The following SLC13A5 variants were observed in gnomAD, a reference collection of about 807,000 sequenced individuals.
SLC13A5 encodes the protein Na(+)/citrate cotransporter.
In SLC13A5, 25 loss-of-function variants were observed where a neutral mutation model predicts 56.5. The observed-to-expected ratio is 0.44, with a 90% confidence interval of 0.32 to 0.62. The LOEUF (loss-of-function observed/expected upper bound fraction) is 0.62, where lower values mean the gene tolerates loss of function less well. Among genes scored for constraint, SLC13A5 ranks in the 20% least tolerant of loss-of-function variants. SLC13A5 has a pLI of 0.04. For synonymous variants in SLC13A5, 307 were observed against 301.5 expected, an observed-to-expected ratio of 1.02 and a Z score of -0.19; for missense variants, 649 against 737.8, an observed-to-expected ratio of 0.88 and a Z score of 1.39.
Position 6,704,068 on chromosome 17 carries a change from G to A in SLC13A5, c.369-12C>T, listed in dbSNP as rs375349735. The A allele has an allele frequency of 1.3e-4, 211 of 1,606,018 alleles. No individual in the cohort carries two copies. Among genetic ancestry groups the A allele is most frequent in the Non-Finnish European group, 1.4e-4 (159 of 1,176,920 alleles). ...AGCCCAGCATCAGCCTGCAGAGGAG[G>A]GGCAGGGAGGAAAGCCAGAGAATCC... On this transcript the variant is annotated splice_polypyrimidine_tract_variant and intron_variant, in intron 3 of 11. Coordinates refer to ENST00000433363, the MANE Select transcript of SLC13A5 (RefSeq NM_177550.5).
rs1407832158 is a variant in SLC13A5, at chr17:6,701,806, G to A, written c.717-680C>T. Among the ~76,000 whole-genome samples, 2 of 152,222 alleles carry A rather than the reference G, an allele frequency of 1.3e-5. No homozygotes were observed. Among genetic ancestry groups the A allele is most frequent in the Non-Finnish European group, 2.9e-5 (2 of 68,038 alleles). Reference sequence around the variant, plus strand: ...AGAGACCTCAGCAATCTCGCTCTGTGGGTTTCTGCAAAGAACGGTCCCCCC... The same window carrying A: ...AGAGACCTCAGCAATCTCGCTCTGTAGGTTTCTGCAAAGAACGGTCCCCCC... On this transcript the variant is annotated intron_variant, in intron 5 of 11. Transcript: ENST00000433363. This position sits in a 1 kb window ranked among gnomAD's most constrained non-coding sequence, Gnocchi z 4.1.
intron 1 of SLC13A5, among the ~76,000 whole-genome samples, chr17:6,708,302 T>C (rs1386728568): frequency 6.6e-6 from 1 of 152,220 alleles, no homozygotes; most frequent in Non-Finnish European, 1.5e-5. Context: ...CCTGCGCCTC[T>C]TCTATAGTCT....
rs754937425 is a variant in SLC13A5, at chr17:6,706,643, G to T, written c.367C>A (p.Arg123=). Residue 123 remains arginine, a splice_region_variant and synonymous_variant, in exon 3 of 12, where the codon CGG becomes AGG. Transcript: ENST00000433363. ...TLLWVGAKPA[R]LMLGFMGVTA... is the part of the protein sequence containing the mutation. Reference sequence around the variant, plus strand: ...GCAAGAGAGAGAAGGCGTAATTACCGTGCAGGCTTGGCCCCCACCCAGAGG... The same window carrying T: ...GCAAGAGAGAGAAGGCGTAATTACCTTGCAGGCTTGGCCCCCACCCAGAGG... The T allele has an allele frequency of 6.2e-7, 1 of 1,613,250 alleles. No homozygotes were observed. Among genetic ancestry groups the T allele is most frequent in the East Asian group, 2.2e-5 (1 of 44,862 alleles).
At position 6,692,782 on chromosome 17, in the gene SLC13A5, G is replaced by A; in HGVS notation, c.1275+262C>T. On this transcript the variant is annotated intron_variant, in intron 9 of 11. Transcript: ENST00000433363. This position sits in a 1 kb window ranked among gnomAD's most constrained non-coding sequence, Gnocchi z 5.5. Reference sequence around the variant, plus strand: ...ATCAAGCCCCAGAGGGTAACTGACAGTGTCCTCTGCCTCTCTTGGCTAACC... The same window carrying A: ...ATCAAGCCCCAGAGGGTAACTGACAATGTCCTCTGCCTCTCTTGGCTAACC... The A allele has an allele frequency of 2.0e-6, 1 of 502,534 alleles. No individual in the cohort carries two copies. Among genetic ancestry groups the A allele is most frequent in the Non-Finnish European group, 3.6e-6 (1 of 280,494 alleles). 31.1% of individuals were successfully genotyped at this position (502,534 alleles called of 1,614,324 possible). A position where few individuals can be genotyped will look rare whatever the true frequency, so the allele number is the denominator to read the frequency against.
intron 1 of SLC13A5, among the ~76,000 whole-genome samples, chr17:6,707,696 C>T (rs1973908214): frequency 2.0e-5 from 3 of 152,046 alleles, no homozygotes; most frequent in Non-Finnish European, 4.4e-5. Context: ...AGAAGTGACT[C>T]AGCAATGGAA....
chr17:6,686,107 C>G lies in SLC13A5; in HGVS notation c.*100G>C. On this transcript the variant is annotated 3_prime_UTR_variant, in exon 12 of 12. Transcript: ENST00000433363. The stretch of plus-strand genomic sequence containing the variant: ...TGGTGGTGTGTGGACATCGTTGGGT[C>G]ATTTTGGGGTGTGAACCCCAAAACT... 6.5e-7 allele frequency: 1 copy of G among 1,541,898 alleles called. No individual in the cohort carries two copies. The highest frequency in any genetic ancestry group is 8.8e-7 in the Non-Finnish European group (1 of 1,135,816).
At chr17:6,702,138 G>C (rs1477848441) in intron 5 of SLC13A5, among the ~76,000 whole-genome samples, 2 of 152,146 alleles carry the variant, frequency 1.3e-5, no homozygotes, top group Non-Finnish European at 1.5e-5. Context: ...CCACCTCCCA[G>C]CTCCTGCGCC....
intron 6 of SLC13A5, among the ~76,000 whole-genome samples, chr17:6,698,770 G>A (rs1367286597): frequency 6.6e-6 from 1 of 152,192 alleles, no homozygotes; most frequent in Non-Finnish European, 1.5e-5. Flanking sequence ...AGGCGAGGTG[G>A]CTCACATCTG....
At position 6,690,922 on chromosome 17, in the gene SLC13A5, AC is replaced by A; in HGVS notation, c.1293del (p.Trp432GlyfsTer19). The A allele has an allele frequency of 6.2e-7, 1 of 1,611,688 alleles. No individual in the cohort carries two copies. Among genetic ancestry groups the A allele is most frequent in the Non-Finnish European group, 8.5e-7 (1 of 1,178,430 alleles). On this transcript the variant is annotated frameshift_variant, in exon 10 of 12. Transcript: ENST00000433363. LOFTEE classifies it high-confidence loss of function. ...AKGSEASGLS[V>X]WMGKQMEPLH... ...AAGGGCTCCATCTGCTTCCCCATCC[AC>A]ACGGACAGCCCCGAGGCCTGGGAAG...
Position 6,701,191 on chromosome 17 carries a change from T to C in SLC13A5, c.717-65A>G. 1 of 1,599,376 alleles carries C rather than the reference T, an allele frequency of 6.3e-7. No homozygotes were observed. Among genetic ancestry groups the C allele is most frequent in the Non-Finnish European group, 8.5e-7 (1 of 1,172,850 alleles). The stretch of plus-strand genomic sequence containing the variant: ...GTGGGAGCCAGCCTGGCCCTGTGCG[T>C]GGGGACGGAGCAGCAGCTGGGCCCT... On this transcript the variant is annotated intron_variant, in intron 5 of 11. Coordinates refer to ENST00000433363, the MANE Select transcript of SLC13A5 (RefSeq NM_177550.5). This position sits in a 1 kb window ranked among gnomAD's most constrained non-coding sequence, Gnocchi z 4.1.
chr17:6,706,342 C>T (rs1045214328), intron 3 of SLC13A5, among the ~76,000 whole-genome samples: 2 of 152,186 alleles, frequency 1.3e-5, no homozygotes, highest in African/African-American at 4.8e-5. Flanking sequence ...CCAATTTGTT[C>T]CCGGTGGAAC....
At position 6,701,408 on chromosome 17, in the gene SLC13A5, C is replaced by T. The variant is rs554921047; in HGVS notation, c.717-282G>A. Among the ~76,000 whole-genome samples the T allele has an allele frequency of 6.6e-6, 1 of 152,216 alleles. No homozygotes were observed. The highest frequency in any genetic ancestry group is 6.5e-5 in the Admixed American group (1 of 15,280). Reference sequence around the variant, plus strand: ...GTCTCATGGAAGTTATGGCCCATCCCTCCAGAAAAATACAACTTTGTGGCC... The same window carrying T: ...GTCTCATGGAAGTTATGGCCCATCCTTCCAGAAAAATACAACTTTGTGGCC... On this transcript the variant is annotated intron_variant, in intron 5 of 11. Coordinates refer to ENST00000433363, the MANE Select transcript of SLC13A5 (RefSeq NM_177550.5). This position sits in a 1 kb window ranked among gnomAD's most constrained non-coding sequence, Gnocchi z 4.1.
At chr17:6,697,503 T>A (rs1368574471) in intron 6 of SLC13A5, among the ~76,000 whole-genome samples, 1 of 152,110 alleles carries the variant, frequency 6.6e-6, no homozygotes, top group Non-Finnish European at 1.5e-5. Context: ...CAGGCTGGCA[T>A]GAGATGCAAG....
rs1336357761 is a variant in SLC13A5 at position 6,701,449 on chromosome 17, C to T, written c.717-323G>A. On this transcript the variant is annotated intron_variant, in intron 5 of 11. Coordinates refer to ENST00000433363, the MANE Select transcript of SLC13A5 (RefSeq NM_177550.5). This position sits in a 1 kb window ranked among gnomAD's most constrained non-coding sequence, Gnocchi z 4.1. Reference sequence around the variant, plus strand: ...CTTTGTGGCCGGGCGCAGGGGCTCACGCCTGTAATTCCAGGACTCTGGGAG... The same window carrying T: ...CTTTGTGGCCGGGCGCAGGGGCTCATGCCTGTAATTCCAGGACTCTGGGAG... Among the ~76,000 whole-genome samples, 3 of 152,222 alleles carry T rather than the reference C, an allele frequency of 2.0e-5. No homozygotes were observed. The highest frequency in any genetic ancestry group is 2.9e-5 in the Non-Finnish European group (2 of 68,044).
intron 5 of SLC13A5, among the ~76,000 whole-genome samples, chr17:6,702,658 C>A (rs1426852465): frequency 3.3e-5 from 5 of 152,254 alleles, no homozygotes; most frequent in African/African-American, 9.6e-5. Context: ...TCAATCCACA[C>A]TCCCTCTCTG....
Position 6,690,725 on chromosome 17 carries a change from G to C in SLC13A5, c.1437+54C>G, listed in dbSNP as rs567493684. The C allele has an allele frequency of 9.9e-6, 16 of 1,610,132 alleles. No individual in the cohort carries two copies. In the South Asian group the frequency reaches 1.8e-4, roughly 18 times the overall value. ...CTGCCTCGTCAGGGACCCACAATAT[G>C]GCCATGTGTTCCTGTGAAATGGAAG... On this transcript the variant is annotated intron_variant, in intron 10 of 11. Transcript: ENST00000433363.
At position 6,695,759 on chromosome 17, in the gene SLC13A5, C is replaced by T. The variant is rs150203483; in HGVS notation, c.1022G>A (p.Trp341Ter). ...FSRDPGFMPG[W>*]LTVAWVEGET... is the part of the protein sequence containing the mutation. Reference sequence around the variant, plus strand: ...ACCCTCCACCCAGGCAACAGTCAGCCAGCCGGGCATGAAGCCGGGGTCTCG... The same window carrying T: ...ACCCTCCACCCAGGCAACAGTCAGCTAGCCGGGCATGAAGCCGGGGTCTCG... The change falls in exon 7 of 12, where the codon TGG (tryptophan) becomes TAG (stop). Residue 341 changes from tryptophan (W) to a stop codon, truncating the protein, a stop_gained. Coordinates refer to ENST00000433363, the MANE Select transcript of SLC13A5 (RefSeq NM_177550.5). LOFTEE classifies it high-confidence loss of function. The T allele has an allele frequency of 1.4e-5, 23 of 1,614,042 alleles. No individual in the cohort carries two copies. The highest frequency in any genetic ancestry group is 1.9e-5 in the Non-Finnish European group (23 of 1,180,040).
chr17:6,703,097 C>T lies in SLC13A5; in HGVS notation c.589G>A (p.Glu197Lys). 6.2e-7 allele frequency: 1 copy of T among 1,614,194 alleles called. No individual in the cohort carries two copies. Among genetic ancestry groups the T allele is most frequent in the South Asian group, 1.1e-5 (1 of 91,090 alleles). The change falls in exon 5 of 12, where the codon GAA becomes AAA. Residue 197 changes from glutamate (E) to lysine (K), a missense_variant. Physicochemically the swap from Glu to Lys is moderately conservative, Grantham distance 56. Coordinates refer to ENST00000433363, the MANE Select transcript of SLC13A5 (RefSeq NM_177550.5). ...CACAACCTCTTCCGCTCTTGGTCTT[C>T]CTGCTGCCCCAGAGTGGGGCCTTCA... ...IFEGPTLGQQ[E>K]DQERKRLCKA...
In SLC13A5 at chr17:6,685,892, C is replaced by A. The variant is rs16956117; in HGVS notation, c.*315G>T. 2 of 342,416 alleles carry A rather than the reference C, an allele frequency of 5.8e-6. No individual in the cohort carries two copies. The highest frequency in any genetic ancestry group is 1.1e-5 in the Non-Finnish European group (2 of 179,908). The allele number at this position is 342,416 out of a possible 1,614,324, so 21.2% of individuals were successfully genotyped here. ...TGTGTGGGGGATGCTTGAGGCAGAG[C>A]GGGTACAGCAGCCTGCATCCTGATC... On this transcript the variant is annotated 3_prime_UTR_variant, in exon 12 of 12. Transcript: ENST00000433363. The surrounding 1 kb of genome is among the most constrained non-coding windows in gnomAD (Gnocchi z 4.2).
Sources: allele counts gnomAD v4.1 joint callset (sites outside exome capture counted in the v4.1 genomes callset), GRCh38; gene constraint gnomAD v4.1.1; non-coding constraint Gnocchi (gnomAD v3.1); transcripts MANE v1.5; gene names NCBI Gene and HGNC (gene_info 2026-07-23, HGNC 2026-07-21).